The following ROBO1 variants were observed in gnomAD, a reference collection of about 807,000 sequenced individuals.
The protein encoded by ROBO1 is roundabout guidance receptor 1, also known as roundabout homolog 1.
ROBO1 carries 149 observed loss-of-function variants against 195.9 expected under a neutral mutation model. The ratio of observed to expected loss-of-function variants is 0.76; its 90% CI spans 0.67 to 0.87. ROBO1 has a LOEUF of 0.87. ROBO1 is among the 40% of genes least tolerant of loss of function. The pLI, the probability that ROBO1 is intolerant of heterozygous loss-of-function variation, is 0.00. For synonymous variants in ROBO1, 816 were observed against 733.2 expected, an observed-to-expected ratio of 1.11 and a Z score of -1.82; for missense variants, 1,933 against 2,068.3, an observed-to-expected ratio of 0.93 and a Z score of 1.27.
At chr3:79,406,852 G>T (rs1453397046) in intron 2 of ROBO1, among the ~76,000 whole-genome samples, 1 of 151,846 alleles carries the variant, frequency 6.6e-6, no homozygotes, top group Non-Finnish European at 1.5e-5. Context: ...TAGTTTTAAA[G>T]AATTTAGTCT....
chr3:79,199,653 T>C (rs962005931), intron 2 of ROBO1, among the ~76,000 whole-genome samples: 1 of 151,726 alleles, frequency 6.6e-6, no homozygotes, highest in African/African-American at 2.4e-5. Flanking sequence ...GATGCCACAG[T>C]AGTTAAAATA....
rs201874731 is a variant in ROBO1, at chr3:79,237,493, AT to A, written c.89-111955del. Among the ~76,000 whole-genome samples, 1,111 of 140,394 alleles carry A rather than the reference AT, an allele frequency of 7.9e-3. 10 individuals carry two copies. Among genetic ancestry groups the A allele is most frequent in the East Asian group, 0.041 (196 of 4,750 alleles). The allele number at this position is 140,394 out of a possible 152,430, so 92.1% of individuals were successfully genotyped here. Reference sequence around the variant, plus strand: ...AAGACTCCATCTCAAAAAAAAAAAAATAATAATAAAAAAGATAAAAGTTCAG... The same window carrying A: ...AAGACTCCATCTCAAAAAAAAAAAAAAATAATAAAAAAGATAAAAGTTCAG... On this transcript the variant is annotated intron_variant, in intron 2 of 30. Transcript: ENST00000464233.
chr3:79,606,766 T>G (rs199879696), intron 1 of ROBO1, among the ~76,000 whole-genome samples: 1 of 151,994 alleles, frequency 6.6e-6, no homozygotes, highest in Non-Finnish European at 1.5e-5. Flanking sequence ...TTATTCATTT[T>G]ATTATTATTA....
At chr3:78,604,318 C>G (rs899171674) in intron 29 of ROBO1, among the ~76,000 whole-genome samples, 5 of 152,180 alleles carry the variant, frequency 3.3e-5, no homozygotes, top group African/African-American at 1.2e-4. Flanking sequence ...ATCCACCCAC[C>G]TTGGCCTCCC....
At chr3:78,713,351 T>G (rs2081814209) in intron 8 of ROBO1, among the ~76,000 whole-genome samples, 1 of 152,056 alleles carries the variant, frequency 6.6e-6, no homozygotes, top group Non-Finnish European at 1.5e-5. Flanking sequence ...AAAGCCACCT[T>G]TTTTTTCTAA....
chr3:79,460,976 T>TA (rs912855630), intron 2 of ROBO1, among the ~76,000 whole-genome samples: 3 of 151,812 alleles, frequency 2.0e-5, no homozygotes, highest in South Asian at 2.1e-4. Flanking sequence ...GTATTTTTAT[T>TA]AAAAAAAATT....
At chr3:79,445,486 T>A (rs1450235099) in intron 2 of ROBO1, among the ~76,000 whole-genome samples, 1 of 148,574 alleles carries the variant, frequency 6.7e-6, no homozygotes, top group Non-Finnish European at 1.5e-5. Flanking sequence ...AAATTGTTTT[T>A]TTTTTTTTTT....
chr3:78,707,838 C>T (rs1392066470), intron 8 of ROBO1, among the ~76,000 whole-genome samples: 1 of 152,132 alleles, frequency 6.6e-6, no homozygotes, highest in Non-Finnish European at 1.5e-5. Flanking sequence ...ACTCAGCCCT[C>T]AAGAGAAACA....
chr3:79,449,758 T>A (rs2039382829), intron 2 of ROBO1, among the ~76,000 whole-genome samples: 1 of 152,142 alleles, frequency 6.6e-6, no homozygotes, highest in South Asian at 2.1e-4. Flanking sequence ...AAGCTATGGT[T>A]TTAAAAAAGG....
intron 4 of ROBO1, among the ~76,000 whole-genome samples, chr3:78,758,368 A>AT (rs2082994973): frequency 6.6e-6 from 1 of 151,892 alleles, no homozygotes; most frequent in African/African-American, 2.4e-5. Flanking sequence ...AAAAATATAT[A>AT]TAAAAAAATA....
chr3:78,800,023 G>C (rs1019626978), intron 4 of ROBO1, among the ~76,000 whole-genome samples: 4 of 152,254 alleles, frequency 2.6e-5, no homozygotes. Flanking sequence ...ATGACACATT[G>C]TATAATTGGT....
At chr3:79,355,864 G>A (rs2035530948) in intron 2 of ROBO1, among the ~76,000 whole-genome samples, 1 of 152,128 alleles carries the variant, frequency 6.6e-6, no homozygotes, top group Non-Finnish European at 1.5e-5. Context: ...GAGTGCTACA[G>A]TAAAGACAGG....
chr3:79,149,727 T>C (rs1012754695), intron 2 of ROBO1, among the ~76,000 whole-genome samples: 1 of 151,730 alleles, frequency 6.6e-6, no homozygotes, highest in Non-Finnish European at 1.5e-5. Context: ...ACTTCACCAG[T>C]GCTTCTTAAT....
chr3:79,539,572 T>C (rs1285559851), intron 2 of ROBO1, among the ~76,000 whole-genome samples: 1 of 152,122 alleles, frequency 6.6e-6, no homozygotes, highest in African/African-American at 2.4e-5. Context: ...CATTTTAATA[T>C]TATAGTACTA....
At chr3:78,889,246 A>G (rs1206513837) in intron 4 of ROBO1, among the ~76,000 whole-genome samples, 2 of 152,212 alleles carry the variant, frequency 1.3e-5, no homozygotes, top group Non-Finnish European at 1.5e-5. Flanking sequence ...ATGTTCATAC[A>G]TGTTTAAAAA....
At chr3:79,565,528 TG>T (rs1943062578) in intron 2 of ROBO1, among the ~76,000 whole-genome samples, 1 of 152,090 alleles carries the variant, frequency 6.6e-6, no homozygotes, top group South Asian at 2.1e-4. Context: ...TGCCCAAACT[TG>T]TTTCTTTCCT....
intron 2 of ROBO1, among the ~76,000 whole-genome samples, chr3:79,363,900 T>G (rs993217498): frequency 6.6e-6 from 1 of 152,166 alleles, no homozygotes; most frequent in Non-Finnish European, 1.5e-5. Flanking sequence ...TTTCACCATA[T>G]AGACCACGGT....
chr3:79,613,978 G>T lies in ROBO1; in HGVS notation c.-50-24017C>A, dbSNP rs146330815. On this transcript the variant is annotated intron_variant, in intron 1 of 30. Transcript: ENST00000464233. ...CATCAAGAAGACATAAAAATCTTAA[G>T]TGTGTATACACCTAACAACAGAGAT... 2.0e-5 allele frequency among the ~76,000 whole-genome samples: 3 copies of T among 152,048 alleles called. No individual in the cohort carries two copies. The East Asian group carries it at 5.8e-4, about 29-fold the overall frequency.
intron 2 of ROBO1, among the ~76,000 whole-genome samples, chr3:79,161,138 G>A (rs1385883859): frequency 6.6e-6 from 1 of 152,000 alleles, no homozygotes; most frequent in African/African-American, 2.4e-5. Context: ...ACAATACCAT[G>A]TATAATTGGT....
Sources: allele counts gnomAD v4.1 joint callset (sites outside exome capture counted in the v4.1 genomes callset), GRCh38; gene constraint gnomAD v4.1.1; transcripts MANE v1.5; gene names NCBI Gene and HGNC (gene_info 2026-07-23, HGNC 2026-07-21).